Variants in RBFOX1 observed in about 807,000 individuals in gnomAD.
RBFOX1 encodes the protein RNA binding fox-1 homolog 1.
A neutral mutation model predicts 57.7 loss-of-function variants in RBFOX1; 8 were observed. That is an observed-to-expected ratio of 0.14 (90% CI 0.08 to 0.25). The LOEUF (loss-of-function observed/expected upper bound fraction) is 0.25, where lower values mean the gene tolerates loss of function less well. RBFOX1 is among the 10% of genes least tolerant of loss of function. RBFOX1 has a pLI of 1.00. For missense variants in RBFOX1, 611 were observed against 548.5 expected, an observed-to-expected ratio of 1.11 and a Z score of -1.14; for synonymous variants, 326 against 222.4, an observed-to-expected ratio of 1.47 and a Z score of -4.15.
At chr16:6,887,729 C>T (rs1181061333) in intron 3 of RBFOX1, among the ~76,000 whole-genome samples, 2 of 151,426 alleles carry the variant, frequency 1.3e-5, no homozygotes, top group Non-Finnish European at 2.9e-5. Context: ...CTGGTGCAAT[C>T]TTGGCTTACT....
At chr16:6,213,426 C>T (rs931653160) in intron 1 of RBFOX1, among the ~76,000 whole-genome samples, 2 of 152,032 alleles carry the variant, frequency 1.3e-5, no homozygotes, top group Non-Finnish European at 2.9e-5. Context: ...GATTTACAAC[C>T]GGCAATATGG....
At chr16:6,953,125 C>T (rs1031031697) in intron 3 of RBFOX1, among the ~76,000 whole-genome samples, 5 of 152,234 alleles carry the variant, frequency 3.3e-5, no homozygotes, top group African/African-American at 1.2e-4. Context: ...CTGAGTAGAA[C>T]TTAGGTGTAT....
At chr16:5,856,853 C>T (rs1023634274) in intron 3 of RBFOX1, among the ~76,000 whole-genome samples, 3 of 151,688 alleles carry the variant, frequency 2.0e-5, no homozygotes, top group East Asian at 2.0e-4. Context: ...CTATCCAGAC[C>T]ACTGAAACTT....
intron 4 of RBFOX1, among the ~76,000 whole-genome samples, chr16:7,226,025 C>G (rs1025166061): frequency 2.0e-5 from 3 of 151,784 alleles, no homozygotes; most frequent in Admixed American, 6.6e-5. Context: ...GTACACTCTG[C>G]TTTTCTTGGC....
chr16:5,325,091 A>G (rs1689137404), intron 1 of RBFOX1, among the ~76,000 whole-genome samples: 1 of 152,186 alleles, frequency 6.6e-6, no homozygotes, highest in South Asian at 2.1e-4. Flanking sequence ...AAGTACCTGC[A>G]TTGGAACAGG....
chr16:5,729,159 C>G (rs987862684), intron 3 of RBFOX1, among the ~76,000 whole-genome samples: 3 of 152,198 alleles, frequency 2.0e-5, no homozygotes, highest in Admixed American at 1.3e-4. Context: ...AATTCTGTCA[C>G]TTACAAACTG....
chr16:6,028,482 G>C (rs1322002679), intron 1 of RBFOX1, among the ~76,000 whole-genome samples: 1 of 133,010 alleles, frequency 7.5e-6, no homozygotes, highest in African/African-American at 2.7e-5. Context: ...GACCAGCCTA[G>C]GCAACATAAT....
chr16:7,153,862 T>G (rs2076575556), intron 4 of RBFOX1, among the ~76,000 whole-genome samples: 1 of 152,130 alleles, frequency 6.6e-6, no homozygotes, highest in Non-Finnish European at 1.5e-5. Flanking sequence ...GTTTTTGTTC[T>G]TGATACCAGG....
intron 2 of RBFOX1, among the ~76,000 whole-genome samples, chr16:6,651,971 G>A (rs1357039723): frequency 6.6e-6 from 1 of 152,168 alleles, no homozygotes; most frequent in East Asian, 1.9e-4. Context: ...GGCACAGAAG[G>A]ACAAATGTTG....
chr16:5,528,565 TCTGGC>T (rs1567196446), intron 2 of RBFOX1, among the ~76,000 whole-genome samples: 3 of 135,308 alleles, frequency 2.2e-5, no homozygotes, highest in Non-Finnish European at 3.1e-5. Flanking sequence ...TTTTTTTTTT[TCTGGC>T]TTCTTCTTGT....
At chr16:5,980,687 G>A (rs1175861485) in intron 4 of RBFOX1, among the ~76,000 whole-genome samples, 2 of 152,232 alleles carry the variant, frequency 1.3e-5, no homozygotes, top group African/African-American at 4.8e-5. Context: ...AATATCATGA[G>A]GAGGTTTCAT....
rs568617339 is a variant in RBFOX1 at position 6,992,406 on chromosome 16, C to T, written c.-15-59651C>T. Among the ~76,000 whole-genome samples, 50 of 151,954 alleles carry T rather than the reference C, an allele frequency of 3.3e-4. 1 individual carries two copies. The highest frequency in any genetic ancestry group is 1.1e-3 in the African/African-American group (45 of 41,458). ...CTAATTTTTGTATTTTTAGTAGAGA[C>T]GGGGTTTCACCATGTTGGCCAGGCT... is the stretch of plus-strand genomic sequence containing the variant. On this transcript the variant is annotated intron_variant, in intron 3 of 15. Coordinates refer to ENST00000550418, the MANE Select transcript of RBFOX1 (RefSeq NM_018723.4).
chr16:6,768,514 T>G (rs1418092244), intron 3 of RBFOX1, among the ~76,000 whole-genome samples: 3 of 151,846 alleles, frequency 2.0e-5, no homozygotes, highest in Non-Finnish European at 4.4e-5. Context: ...CTACTATGAA[T>G]AGTATCTATT....
intron 1 of RBFOX1, among the ~76,000 whole-genome samples, chr16:5,462,041 C>T (rs73526892): frequency 6.6e-6 from 1 of 152,144 alleles, no homozygotes; most frequent in African/African-American, 2.4e-5. Context: ...TAGGAGGGTG[C>T]CAGCTCCTCA....
chr16:6,188,708 T>C (rs2097123326), intron 1 of RBFOX1, among the ~76,000 whole-genome samples: 1 of 152,142 alleles, frequency 6.6e-6, no homozygotes, highest in Admixed American at 6.5e-5. Flanking sequence ...CTACACTGAA[T>C]GAAGTGGAGG....
At chr16:6,706,283 A>G (rs1406410627) in intron 3 of RBFOX1, among the ~76,000 whole-genome samples, 1 of 152,208 alleles carries the variant, frequency 6.6e-6, no homozygotes, top group African/African-American at 2.4e-5. Context: ...TTGAAACTAA[A>G]AGAGTGAAAA....
intron 3 of RBFOX1, among the ~76,000 whole-genome samples, chr16:6,849,077 C>T (rs929908647): frequency 1.3e-5 from 2 of 152,156 alleles, no homozygotes; most frequent in East Asian, 1.9e-4. Flanking sequence ...AACAGCTGTC[C>T]TCAAGAGTGC....
chr16:7,187,972 A>C (rs926766813), intron 4 of RBFOX1, among the ~76,000 whole-genome samples: 1 of 152,184 alleles, frequency 6.6e-6, no homozygotes, highest in African/African-American at 2.4e-5. Flanking sequence ...AGAGAGAACA[A>C]ATCTCGAGAA....
At chr16:7,088,159 A>G (rs2060271113) in intron 4 of RBFOX1, among the ~76,000 whole-genome samples, 1 of 152,164 alleles carries the variant, frequency 6.6e-6, no homozygotes, top group South Asian at 2.1e-4. Context: ...GGGGGGATGT[A>G]CGGTTTTCTG....
Sources: allele counts gnomAD v4.1 joint callset (sites outside exome capture counted in the v4.1 genomes callset), GRCh38; gene constraint gnomAD v4.1.1; transcripts MANE v1.5; gene names NCBI Gene and HGNC (gene_info 2026-07-23, HGNC 2026-07-21).